Variants in TRPM8 observed in about 807,000 individuals in gnomAD.
The protein encoded by TRPM8 is transient receptor potential cation channel subfamily M member 8.
A neutral mutation model predicts 133.7 loss-of-function variants in TRPM8; 110 were observed. The observed-to-expected ratio is 0.82, with a 90% CI of 0.70 to 0.96. TRPM8 has a LOEUF of 0.96. Ranked by LOEUF, TRPM8 falls within the 40% of genes least tolerant of loss-of-function variation. TRPM8 has a pLI of 0.00. For synonymous variants in TRPM8, 535 were observed against 532.3 expected (o/e 1.01, Z -0.07); for missense variants, 1,291 against 1,379.5 (o/e 0.94, Z 1.02).
Position 233,939,048 on chromosome 2 carries a change from G to A in TRPM8, c.399G>A (p.Leu133=). The stretch of plus-strand genomic sequence containing the variant: ...ACGCGGAAATCCTTTACGAGCTGCT[G>A]ACCCAGCACTGGCACCTGAAAACAC... ...DTDAEILYEL[L]TQHWHLKTPN... Residue 133 remains leucine (L), a synonymous_variant, in exon 5 of 26, where the codon CTG becomes CTA. Transcript: ENST00000324695. The A allele has an allele frequency of 6.2e-7, 1 of 1,614,208 alleles. No homozygotes were observed. Among genetic ancestry groups the A allele is most frequent in the Non-Finnish European group, 8.5e-7 (1 of 1,180,034 alleles).
intron 3 of TRPM8, among the ~76,000 whole-genome samples, chr2:233,932,101 A>G (rs1162853499): frequency 6.6e-6 from 1 of 152,190 alleles, no homozygotes; most frequent in African/African-American, 2.4e-5. Context: ...TCAGTTACAT[A>G]TGTTCAATCT....
intron 2 of TRPM8, among the ~76,000 whole-genome samples, chr2:233,927,758 CTTTCT>C (rs1691556356): frequency 2.9e-5 from 2 of 69,396 alleles, no homozygotes; most frequent in African/African-American, 1.7e-4. Context: ...TTCTTTCTTT[CTTTCT>C]TTCTTTCTTT....
chr2:233,967,795 C>T (rs1213600037), intron 15 of TRPM8, among the ~76,000 whole-genome samples: 1 of 152,070 alleles, frequency 6.6e-6, no homozygotes, highest in Non-Finnish European at 1.5e-5. Flanking sequence ...GTGCTGGAGT[C>T]GGGGTGTGCC....
At chr2:233,952,068 C>T (rs1212318654) in intron 9 of TRPM8, among the ~76,000 whole-genome samples, 9 of 152,176 alleles carry the variant, frequency 5.9e-5, no homozygotes, top group Non-Finnish European at 1.3e-4. Flanking sequence ...GAGAACTTGA[C>T]TCTCCATAGT....
intron 2 of TRPM8, among the ~76,000 whole-genome samples, chr2:233,927,808 C>CT (rs1330798036): frequency 1.9e-5 from 1 of 53,076 alleles, no homozygotes; most frequent in African/African-American, 1.6e-4. Flanking sequence ...TCCTTCCTTC[C>CT]TTCCTTCCTT....
chr2:234,016,599 C>T (rs1239374385), intron 25 of TRPM8, among the ~76,000 whole-genome samples: 1 of 152,128 alleles, frequency 6.6e-6, no homozygotes, highest in African/African-American at 2.4e-5. Context: ...AAGCCTGTAC[C>T]AATTCCCCCA....
chr2:233,970,541 T>C, intron 17 of TRPM8, 115 bp downstream of exon 17: 1 of 1,011,530 alleles, frequency 9.9e-7, no homozygotes, highest in South Asian at 1.4e-5. Context: ...TTTCCCAAAA[T>C]AAATGTTCTC....
intron 3 of TRPM8, among the ~76,000 whole-genome samples, chr2:233,935,697 C>T (rs1465295766): frequency 2.0e-5 from 3 of 152,176 alleles, no homozygotes; most frequent in Non-Finnish European, 4.4e-5. Context: ...GCCATGGCCC[C>T]CTTGAATTCC....
At chr2:233,944,139 C>G (rs1359706365) in intron 6 of TRPM8, among the ~76,000 whole-genome samples, 1 of 152,038 alleles carries the variant, frequency 6.6e-6, no homozygotes, top group Non-Finnish European at 1.5e-5. Context: ...TGTTATGGGA[C>G]TGATTTATCT....
At chr2:233,958,821 A>T (rs1314986840) in intron 11 of TRPM8, among the ~76,000 whole-genome samples, 4 of 152,074 alleles carry the variant, frequency 2.6e-5, no homozygotes, top group Admixed American at 2.6e-4. Flanking sequence ...AAAACTAATT[A>T]ATGCTGCTGT....
intron 20 of TRPM8, 129 bp downstream of exon 20, chr2:233,983,353 T>G: frequency 1.9e-6 from 2 of 1,034,958 alleles, no homozygotes; most frequent in Non-Finnish European, 3.0e-6. Context: ...CATAACAGAG[T>G]AAAAACTCAC....
At chr2:233,984,386 G>T (rs193145457) in intron 20 of TRPM8, among the ~76,000 whole-genome samples, 2 of 152,196 alleles carry the variant, frequency 1.3e-5, no homozygotes, top group South Asian at 4.2e-4. Context: ...TAATAAAAGG[G>T]TCTTGATGCC....
chr2:233,953,908 T>C lies in TRPM8; in HGVS notation c.1141-9T>C, dbSNP rs1055627741. 6.2e-7 allele frequency: 1 copy of C among 1,607,882 alleles called. No individual in the cohort carries two copies. The highest frequency in any genetic ancestry group is 1.3e-5 in the African/African-American group (1 of 74,726). The stretch of plus-strand genomic sequence containing the variant: ...TGTTGGCTGACACTTTGTTCTTTAA[T>C]TTCGCCAGCTCAAAGAAATTCTCGA... On this transcript the variant is annotated splice_polypyrimidine_tract_variant and intron_variant, in intron 9 of 25. Transcript: ENST00000324695.
chr2:233,947,942 A>G (rs976786418), intron 8 of TRPM8, among the ~76,000 whole-genome samples: 9 of 152,232 alleles, frequency 5.9e-5, no homozygotes, highest in Non-Finnish European at 1.2e-4. Context: ...GTAGTTTAAA[A>G]AAAGTTAGTG....
rs1269629745 is a variant in TRPM8 at position 233,989,196 on chromosome 2, C to A, written c.2939+3331C>A. On this transcript the variant is annotated intron_variant, in intron 21 of 25. Transcript: ENST00000324695. This position sits in a 1 kb window ranked among gnomAD's most constrained non-coding sequence, Gnocchi z 4.2. ...GGGCACTTTTGTAATCCATTACCTG[C>A]ATTTTGATAATGAAATGATTGAATT... Among the ~76,000 whole-genome samples, 1 of 152,156 alleles carries A rather than the reference C, an allele frequency of 6.6e-6. No individual in the cohort carries two copies. The highest frequency in any genetic ancestry group is 2.4e-5 in the African/African-American group (1 of 41,428).
At chr2:234,004,795 G>C (rs1692653191) in intron 22 of TRPM8, among the ~76,000 whole-genome samples, 1 of 152,154 alleles carries the variant, frequency 6.6e-6, no homozygotes, top group Non-Finnish European at 1.5e-5. Context: ...CAACACACTG[G>C]TGTTTATTCT....
chr2:233,927,832 C>T (rs1161778720), intron 2 of TRPM8, among the ~76,000 whole-genome samples: 6 of 79,288 alleles, frequency 7.6e-5, no homozygotes, highest in South Asian at 3.8e-4. Flanking sequence ...TCCTTCCTTC[C>T]TTCCTTCCTT....
At chr2:233,996,243 T>A in intron 21 of TRPM8, 83 bp from the exon 22 acceptor site, 1 of 1,272,810 alleles carries the variant, frequency 7.9e-7, no homozygotes, top group Non-Finnish European at 1.1e-6. Flanking sequence ...AGTAATAGCT[T>A]AATACCACTA....
At chr2:233,968,199 G>C (rs10171428) in intron 15 of TRPM8, 1 of 151,816 alleles carries the variant, frequency 6.6e-6, no homozygotes, top group African/African-American at 2.4e-5. Context: ...ACTAAGCACT[G>C]CCTGTCTCCG....
Sources: gnomAD v4.1 joint callset for allele counts (sites outside exome capture counted in the v4.1 genomes callset) on GRCh38, gnomAD v4.1.1 for gene constraint, Gnocchi (gnomAD v3.1) non-coding constraint, MANE v1.5 for transcripts, NCBI Gene and HGNC (gene_info 2026-07-23, HGNC 2026-07-21) for gene names.